The following CEP170 variants were observed in gnomAD, a reference collection of about 807,000 sequenced individuals.
The protein encoded by CEP170 is centrosomal protein of 170 kDa.
Under a neutral mutation model 151.9 loss-of-function variants are expected in CEP170, and 21 were observed. The ratio of observed to expected loss-of-function variants is 0.14; its 90% CI spans 0.10 to 0.20. The LOEUF (loss-of-function observed/expected upper bound fraction) is 0.20. Ranked by LOEUF, CEP170 falls within the 10% of genes least tolerant of loss-of-function variation. CEP170 has a pLI of 1.00. For synonymous variants in CEP170, 356 were observed against 648.8 expected (o/e 0.55, Z 6.86); for missense variants, 964 against 1,892.9 (o/e 0.51, Z 9.11).
chr1:243,251,060 A>G (rs1390297703), intron 1 of CEP170, among the ~76,000 whole-genome samples: 1 of 152,224 alleles, frequency 6.6e-6, no homozygotes, highest in Non-Finnish European at 1.5e-5. Context: ...TAGCTAATAT[A>G]TTGAGAAAAA....
In CEP170 at chr1:243,211,895, A is replaced by G. The variant is rs1315136141; in HGVS notation, c.265T>C (p.Phe89Leu). The G allele has an allele frequency of 5.0e-6, 8 of 1,597,642 alleles. No individual in the cohort carries two copies. Among genetic ancestry groups the G allele is most frequent in the Non-Finnish European group, 6.0e-6 (7 of 1,172,978 alleles). The change falls in exon 4 of 20, where the codon TTT becomes CTT. Residue 89 changes from phenylalanine (F) to leucine (L), a missense_variant. Phe to Leu is a conservative substitution (Grantham distance 22). Coordinates refer to ENST00000366542, the MANE Select transcript of CEP170 (RefSeq NM_014812.3). ...AACCATTTAAGGATATCATATCCAAATCTCAGCTTATCTTCAAGTTTCAAG... is the reference window on the plus strand; with the variant it reads ...AACCATTTAAGGATATCATATCCAAGTCTCAGCTTATCTTCAAGTTTCAAG... ...ITLKLEDKLR[F>L]GYDTNLFTVV...
chr1:243,249,418 AAAATAAAT>A (rs74729358), intron 1 of CEP170, among the ~76,000 whole-genome samples: 32 of 148,402 alleles, frequency 2.2e-4, no homozygotes, highest in Admixed American at 4.7e-4. Context: ...ACTCTGTCTC[AAAATAAAT>A]AAATAAATAA....
intron 17 of CEP170, chr1:243,135,669 A>G (rs1176678123): frequency 6.5e-6 from 1 of 153,250 alleles, no homozygotes; most frequent in Non-Finnish European, 1.5e-5. Context: ...ACAGTAACTT[A>G]AAACAGATTA....
chr1:243,240,382 C>T (rs1259937711), intron 1 of CEP170, among the ~76,000 whole-genome samples: 2 of 152,188 alleles, frequency 1.3e-5, no homozygotes, highest in African/African-American at 2.4e-5. Context: ...ATGATCCGTT[C>T]CAAGATTCAT....
chr1:243,226,985 G>A (rs888377570), intron 1 of CEP170, among the ~76,000 whole-genome samples: 5 of 152,030 alleles, frequency 3.3e-5, no homozygotes, highest in African/African-American at 1.2e-4. Context: ...GTGAAACTCC[G>A]TCTCAAAAAA....
intron 4 of CEP170, among the ~76,000 whole-genome samples, chr1:243,207,466 T>C (rs2061499776): frequency 6.6e-6 from 1 of 152,140 alleles, no homozygotes; most frequent in Non-Finnish European, 1.5e-5. Context: ...TTCTTAATAA[T>C]TGAAAGAGTA....
chr1:243,148,580 A>G (rs1373586261), intron 14 of CEP170, among the ~76,000 whole-genome samples: 2 of 152,210 alleles, frequency 1.3e-5, no homozygotes, highest in Non-Finnish European at 2.9e-5. Context: ...TCAAAATAAA[A>G]TAACATAATT....
intron 1 of CEP170, among the ~76,000 whole-genome samples, chr1:243,247,337 A>G (rs2065502455): frequency 6.6e-6 from 1 of 152,090 alleles, no homozygotes; most frequent in South Asian, 2.1e-4. Context: ...AAAAGCTATT[A>G]TCTCAAAGCC....
intron 10 of CEP170, among the ~76,000 whole-genome samples, chr1:243,180,875 A>G (rs1194840044): frequency 6.6e-6 from 1 of 152,184 alleles, no homozygotes; most frequent in Non-Finnish European, 1.5e-5. Context: ...ACCAGGCCCT[A>G]TGAGGGAAGA....
At chr1:243,207,524 G>A (rs1281987369) in intron 4 of CEP170, among the ~76,000 whole-genome samples, 1 of 151,952 alleles carries the variant, frequency 6.6e-6, no homozygotes, top group Non-Finnish European at 1.5e-5. Context: ...CACCCACCAA[G>A]CCAACCTGGC....
chr1:243,218,982 T>A (rs528556076), intron 3 of CEP170, among the ~76,000 whole-genome samples: 1 of 152,164 alleles, frequency 6.6e-6, no homozygotes, highest in Non-Finnish European at 1.5e-5. Flanking sequence ...TCTAGAATAA[T>A]ATGGATAATA....
At chr1:243,249,504 G>A (rs376366951) in intron 1 of CEP170, among the ~76,000 whole-genome samples, 1 of 152,010 alleles carries the variant, frequency 6.6e-6, no homozygotes, top group Non-Finnish European at 1.5e-5. Flanking sequence ...CTACTTACTG[G>A]ATTGGCAAAA....
chr1:243,241,202 T>C (rs1440620464), intron 1 of CEP170, among the ~76,000 whole-genome samples: 1 of 152,248 alleles, frequency 6.6e-6, no homozygotes, highest in East Asian at 1.9e-4. Context: ...GGAATACGAA[T>C]ATTTTGAATC....
chr1:243,153,938 C>T (rs1480697036), intron 14 of CEP170, among the ~76,000 whole-genome samples: 2 of 152,222 alleles, frequency 1.3e-5, no homozygotes, highest in Non-Finnish European at 2.9e-5. Context: ...CATTCCTACT[C>T]GATGGAAGTC....
At chr1:243,207,243 A>G (rs1329184828) in intron 4 of CEP170, among the ~76,000 whole-genome samples, 1 of 152,242 alleles carries the variant, frequency 6.6e-6, no homozygotes, top group African/African-American at 2.4e-5. Flanking sequence ...TGGAACAACT[A>G]TAATATTAAG....
rs1278187833 is a variant in CEP170 at position 243,124,548 on chromosome 1, CAT to C, written c.*1899_*1900del. ...ATGTATTCATACAAAATAAAAATAA[CAT>C]AGTAAAAGGCCAAATGTTTATAATT... On this transcript the variant is annotated 3_prime_UTR_variant, in exon 20 of 20. Coordinates refer to ENST00000366542, the MANE Select transcript of CEP170 (RefSeq NM_014812.3). 2.6e-5 allele frequency: 4 copies of C among 152,380 alleles called. No homozygotes were observed. Among genetic ancestry groups the C allele is most frequent in the Non-Finnish European group, 5.9e-5 (4 of 67,932 alleles). The allele number at this position is 152,380 out of a possible 1,614,324, so 9.4% of individuals were successfully genotyped here. A position where few individuals can be genotyped will look rare whatever the true frequency, so the allele number is the denominator to read the frequency against.
rs2056483090 is a variant in CEP170 at position 243,146,332 on chromosome 1, CGCGAAGAACGCAGAAGAGATTA to C, written c.3912-3891_3912-3870del. On this transcript the variant is annotated intron_variant, in intron 14 of 19. Transcript: ENST00000366542. Reference sequence around the variant, plus strand: ...GAACAGAGGTCACGGGAATGAGATTCGCGAAGAACGCAGAAGAGATTAGCGACCCCTCTCCTTCCCAATTCCT... The same window carrying C: ...GAACAGAGGTCACGGGAATGAGATTCGCGACCCCTCTCCTTCCCAATTCCT... 2.0e-5 allele frequency among the ~76,000 whole-genome samples: 3 copies of C among 152,190 alleles called. No homozygotes were observed. The South Asian group carries it at 6.2e-4, about 32-fold the overall frequency.
At chr1:243,216,846 C>A (rs890168813) in intron 3 of CEP170, among the ~76,000 whole-genome samples, 1 of 152,166 alleles carries the variant, frequency 6.6e-6, no homozygotes, top group African/African-American at 2.4e-5. Context: ...ACTCTAACTT[C>A]AGGTTCATTT....
chr1:243,192,555 A>C (rs1242474655), intron 7 of CEP170, among the ~76,000 whole-genome samples: 1 of 152,200 alleles, frequency 6.6e-6, no homozygotes, highest in Non-Finnish European at 1.5e-5. Context: ...AAAGCTCAAA[A>C]ATAAATTCTG....
Sources: allele counts gnomAD v4.1 joint callset (sites outside exome capture counted in the v4.1 genomes callset), GRCh38; gene constraint gnomAD v4.1.1; transcripts MANE v1.5; gene names NCBI Gene and HGNC (gene_info 2026-07-23, HGNC 2026-07-21).